Variants in MPRIP observed in about 807,000 individuals in gnomAD.
MPRIP encodes the protein myosin phosphatase Rho interacting protein.
A neutral mutation model predicts 234.9 loss-of-function variants in MPRIP; 59 were observed. The ratio of observed to expected loss-of-function variants is 0.25; its 90% CI spans 0.20 to 0.31. MPRIP has a LOEUF of 0.31. MPRIP is among the 10% of genes least tolerant of loss of function. MPRIP has a pLI of 1.00. For synonymous variants in MPRIP, 1,144 were observed against 1,263.9 expected, an observed-to-expected ratio of 0.91 and a Z score of 2.01; for missense variants, 2,436 against 3,071.0, an observed-to-expected ratio of 0.79 and a Z score of 4.89.
chr17:17,059,357 G>A (rs969521341), intron 1 of MPRIP, among the ~76,000 whole-genome samples: 5 of 152,188 alleles, frequency 3.3e-5, no homozygotes, highest in Non-Finnish European at 7.3e-5. Flanking sequence ...TTATTAAAAT[G>A]GTTTTGACTC....
At chr17:17,107,558 A>T (rs1337831249) in intron 3 of MPRIP, among the ~76,000 whole-genome samples, 1 of 152,122 alleles carries the variant, frequency 6.6e-6, no homozygotes, top group Non-Finnish European at 1.5e-5. Flanking sequence ...CTTCCTCTGG[A>T]GTTCAGTGTC....
rs377742592 is a variant in MPRIP at position 17,097,746 on chromosome 17, C to T, written c.267+19670C>T. 9.5e-4 allele frequency among the ~76,000 whole-genome samples: 145 copies of T among 152,332 alleles called. 1 individual carries two copies. The highest frequency in any genetic ancestry group is 3.4e-3 in the Middle Eastern group (1 of 294). ...GATAGTTACCTCTGTCCAGAACTGGCTCACTCCCAACAGCAGCAGGAGGCA... is the reference window on the plus strand; with the variant it reads ...GATAGTTACCTCTGTCCAGAACTGGTTCACTCCCAACAGCAGCAGGAGGCA... On this transcript the variant is annotated intron_variant, in intron 3 of 23. Coordinates refer to ENST00000651222, the MANE Select transcript of MPRIP (RefSeq NM_001364716.4).
At chr17:17,060,302 C>T (rs1474844559) in intron 1 of MPRIP, among the ~76,000 whole-genome samples, 5 of 152,174 alleles carry the variant, frequency 3.3e-5, no homozygotes, top group Admixed American at 6.5e-5. Flanking sequence ...GGATGTGGGG[C>T]AGAACTGAGT....
At chr17:17,059,065 G>C (rs2088793274) in intron 1 of MPRIP, among the ~76,000 whole-genome samples, 1 of 152,206 alleles carries the variant, frequency 6.6e-6, no homozygotes, top group Non-Finnish European at 1.5e-5. Flanking sequence ...AGTTAAAACT[G>C]AAAAAGTTTA....
At chr17:17,160,646 G>A (rs1041037220) in intron 14 of MPRIP, among the ~76,000 whole-genome samples, 6 of 152,236 alleles carry the variant, frequency 3.9e-5, no homozygotes, top group African/African-American at 1.4e-4. Context: ...AGGGAACTGC[G>A]GGAACTCTTT....
At chr17:17,179,036 G>A (rs1421716818) in intron 22 of MPRIP, among the ~76,000 whole-genome samples, 1 of 152,220 alleles carries the variant, frequency 6.6e-6, no homozygotes, top group Admixed American at 6.5e-5. Flanking sequence ...GAAACAGAGG[G>A]CGGGCGTGGT....
rs1016861349 is a variant in MPRIP at position 17,061,475 on chromosome 17, A to G, written c.124-14235A>G. On this transcript the variant is annotated intron_variant, in intron 1 of 23. Coordinates refer to ENST00000651222, the MANE Select transcript of MPRIP (RefSeq NM_001364716.4). Reference sequence around the variant, plus strand: ...AATCAACCTGAAAACTACAGAGGATATATTAGCCACGGTTTGCACGCATTC... The same window carrying G: ...AATCAACCTGAAAACTACAGAGGATGTATTAGCCACGGTTTGCACGCATTC... Among the ~76,000 whole-genome samples the G allele has an allele frequency of 5.9e-5, 9 of 152,328 alleles. No individual in the cohort carries two copies. The East Asian group carries it at 1.2e-3, about 20-fold the overall frequency.
At position 17,167,957 on chromosome 17, in the gene MPRIP, A is replaced by C; in HGVS notation, c.6324+42A>C. On this transcript the variant is annotated intron_variant, in intron 16 of 23. Coordinates refer to ENST00000651222, the MANE Select transcript of MPRIP (RefSeq NM_001364716.4). This position sits in a 1 kb window ranked among gnomAD's most constrained non-coding sequence, Gnocchi z 5.9. ...CAATTTGCAGAGCAGATCTTCCTTG[A>C]TAATGGGGTGGGTGTGGGGACGTCT... 2 of 1,266,652 alleles carry C rather than the reference A, an allele frequency of 1.6e-6. No homozygotes were observed. Among genetic ancestry groups the C allele is most frequent in the Non-Finnish European group, 2.1e-6 (2 of 967,914 alleles). 78.5% of individuals were successfully genotyped at this position (1,266,652 alleles called of 1,614,324 possible).
At chr17:17,086,709 T>A (rs1392745704) in intron 3 of MPRIP, among the ~76,000 whole-genome samples, 1 of 151,952 alleles carries the variant, frequency 6.6e-6, no homozygotes, top group Non-Finnish European at 1.5e-5. Flanking sequence ...AGGGTAGGGG[T>A]CATAAGGGAA....
intron 13 of MPRIP, among the ~76,000 whole-genome samples, chr17:17,156,472 G>A (rs1379617129): frequency 6.6e-6 from 1 of 152,248 alleles, no homozygotes; most frequent in African/African-American, 2.4e-5. Context: ...AAAAATGTGA[G>A]TTTTTTAGTG....
intron 1 of MPRIP, among the ~76,000 whole-genome samples, chr17:17,070,040 GGT>G (rs1269997231): frequency 6.6e-6 from 1 of 152,114 alleles, no homozygotes; most frequent in Non-Finnish European, 1.5e-5. Flanking sequence ...TAGGTTGACA[GGT>G]GTTTTCTTTC....
chr17:17,054,892 A>G (rs954356590), intron 1 of MPRIP, among the ~76,000 whole-genome samples: 1 of 151,974 alleles, frequency 6.6e-6, no homozygotes, highest in African/African-American at 2.4e-5. Context: ...TCTACAAAAA[A>G]GTAAAAAACA....
chr17:17,073,884 C>G (rs1318132059), intron 1 of MPRIP, among the ~76,000 whole-genome samples: 1 of 152,172 alleles, frequency 6.6e-6, no homozygotes, highest in African/African-American at 2.4e-5. Context: ...CAGCCAACAC[C>G]CACTCCCCTG....
chr17:17,048,157 C>G (rs2088417382), intron 1 of MPRIP, among the ~76,000 whole-genome samples: 1 of 152,054 alleles, frequency 6.6e-6, no homozygotes, highest in Non-Finnish European at 1.5e-5. Flanking sequence ...TTTTGTGGGA[C>G]CTTGGCTGGG....
intron 3 of MPRIP, among the ~76,000 whole-genome samples, chr17:17,096,299 G>C (rs2089841634): frequency 8.5e-5 from 1 of 11,794 alleles, no homozygotes; most frequent in Non-Finnish European, 1.8e-4. Context: ...GTGTGTGTGT[G>C]TGTGTGTGTG....
At chr17:17,174,798 A>T (rs1450254402) in intron 19 of MPRIP, among the ~76,000 whole-genome samples, 3 of 94,850 alleles carry the variant, frequency 3.2e-5, no homozygotes, top group Non-Finnish European at 5.3e-5. Context: ...GACTCCGTCT[A>T]AAAAAAAAAA....
In MPRIP at chr17:17,167,766, G is replaced by C. The variant is rs2046036102; in HGVS notation, c.6175G>C (p.Glu2059Gln). The change falls in exon 16 of 24, where the codon GAG becomes CAG. Residue 2059 changes from glutamate (E) to glutamine (Q), a missense_variant. Physicochemically the swap from Glu to Gln is conservative, Grantham distance 29. Coordinates refer to ENST00000651222, the MANE Select transcript of MPRIP (RefSeq NM_001364716.4). This position sits in a 1 kb window ranked among gnomAD's most constrained non-coding sequence, Gnocchi z 5.9. ...PAPNWQATQG[E>Q]ADSMTGLRER... ...CCCCAACTGGCAGGCCACCCAGGGA[G>C]AGGCTGACTCCATGACGGGGCTGAG... is the stretch of plus-strand genomic sequence containing the variant. The C allele has an allele frequency of 7.7e-7, 1 of 1,304,076 alleles. No homozygotes were observed. The highest frequency in any genetic ancestry group is 1.2e-5 in the South Asian group (1 of 81,024). 80.8% of individuals were successfully genotyped at this position (1,304,076 alleles called of 1,614,324 possible). A position where few individuals can be genotyped will look rare whatever the true frequency, so the allele number is the denominator to read the frequency against.
intron 1 of MPRIP, among the ~76,000 whole-genome samples, chr17:17,061,132 T>G (rs909852891): frequency 6.6e-6 from 1 of 152,166 alleles, no homozygotes. Context: ...GTGCTGAGAT[T>G]CAGAGCCACT....
chr17:17,168,393 C>T (rs911092490), intron 16 of MPRIP: 19 of 255,292 alleles, frequency 7.4e-5, no homozygotes, highest in Non-Finnish European at 1.3e-4. Context: ...CTCCTGATTG[C>T]CCTAGGAGAG....
Sources: gnomAD v4.1 joint callset for allele counts (sites outside exome capture counted in the v4.1 genomes callset) on GRCh38, gnomAD v4.1.1 for gene constraint, Gnocchi (gnomAD v3.1) non-coding constraint, MANE v1.5 for transcripts, NCBI Gene and HGNC (gene_info 2026-07-23, HGNC 2026-07-21) for gene names.